STEAP1B: variants seen among roughly 807,000 people sequenced by gnomAD.
STEAP1B encodes the protein STEAP family member 1B.
A neutral mutation model predicts 27.9 loss-of-function variants in STEAP1B; 13 were observed. The observed-to-expected ratio is 0.47, with a 90% confidence interval of 0.30 to 0.74. The LOEUF is 0.74. Among genes scored for constraint, STEAP1B ranks in the 30% least tolerant of loss-of-function variants. The pLI is 0.06. For missense variants in STEAP1B, 250 were observed against 298.7 expected, an observed-to-expected ratio of 0.84 and a Z score of 1.20; for synonymous variants, 86 against 107.1, an observed-to-expected ratio of 0.80 and a Z score of 1.22.
intron 4 of STEAP1B, among the ~76,000 whole-genome samples, chr7:22,485,038 G>A (rs1231475120): frequency 1.3e-5 from 2 of 152,238 alleles, no homozygotes; most frequent in Non-Finnish European, 2.9e-5. Flanking sequence ...TTCTTGAGAT[G>A]AAATCTATTC....
At chr7:22,492,205 G>A (rs1238066319) in intron 4 of STEAP1B, among the ~76,000 whole-genome samples, 2 of 151,058 alleles carry the variant, frequency 1.3e-5, no homozygotes, top group African/African-American at 4.9e-5. Flanking sequence ...TGTAATCCCA[G>A]CTACTCAGGA....
At chr7:22,485,717 G>A (rs1351072073) in intron 4 of STEAP1B, among the ~76,000 whole-genome samples, 1 of 152,158 alleles carries the variant, frequency 6.6e-6, no homozygotes, top group Non-Finnish European at 1.5e-5. Context: ...TCCAAGGTAT[G>A]CCTGTATATT....
chr7:22,434,224 G>A (rs1249592375), intron 4 of STEAP1B, among the ~76,000 whole-genome samples: 2 of 152,204 alleles, frequency 1.3e-5, no homozygotes, highest in East Asian at 1.9e-4. Flanking sequence ...ACAGGAAGGG[G>A]ACAGGAAGCC....
At chr7:22,468,511 C>G (rs1352938924) in intron 4 of STEAP1B, among the ~76,000 whole-genome samples, 1 of 152,152 alleles carries the variant, frequency 6.6e-6, no homozygotes, top group African/African-American at 2.4e-5. Flanking sequence ...TGAATATACA[C>G]CTAACATAAG....
intron 4 of STEAP1B, among the ~76,000 whole-genome samples, chr7:22,458,866 G>A (rs1430869524): frequency 6.6e-6 from 1 of 151,888 alleles, no homozygotes; most frequent in East Asian, 1.9e-4. Context: ...AAGCTAGGGT[G>A]TGGTACGCTA....
At chr7:22,431,816 C>A (rs1174768517) in intron 4 of STEAP1B, among the ~76,000 whole-genome samples, 3 of 152,178 alleles carry the variant, frequency 2.0e-5, no homozygotes, top group Non-Finnish European at 4.4e-5. Context: ...AAGGGCGACT[C>A]CACTTGGGCC....
At chr7:22,434,379 C>T (rs960455710) in intron 4 of STEAP1B, among the ~76,000 whole-genome samples, 1 of 152,212 alleles carries the variant, frequency 6.6e-6, no homozygotes, top group Admixed American at 6.5e-5. Context: ...CTCTGCTGAT[C>T]CCACATGGGC....
chr7:22,428,733 G>C (rs1248025407), intron 4 of STEAP1B, among the ~76,000 whole-genome samples: 2 of 152,036 alleles, frequency 1.3e-5, no homozygotes, highest in Non-Finnish European at 2.9e-5. Context: ...AACTCGGGAG[G>C]GGGAGGTTGC....
At chr7:22,431,933 G>C (rs1314033516) in intron 4 of STEAP1B, among the ~76,000 whole-genome samples, 1 of 152,156 alleles carries the variant, frequency 6.6e-6, no homozygotes, top group Admixed American at 6.5e-5. Flanking sequence ...GTCCCTAGCT[G>C]CTCCAGCATT....
chr7:22,419,705 G>A lies in STEAP1B; in HGVS notation c.*99C>T, dbSNP rs2177142. 590,683 of 1,349,700 alleles carry A rather than the reference G, an allele frequency of 0.44. 130,430 individuals are homozygous for A. Among genetic ancestry groups the A allele is most frequent in the East Asian group, 0.55 (20,430 of 36,986 alleles). 83.6% of individuals were successfully genotyped at this position (1,349,700 alleles called of 1,614,324 possible). ...ACCTGCAGCATGGCTGTTCATTGTG[G>A]CAGAGGGAAAGGGCACTGGGTGGTG... On this transcript the variant is annotated 3_prime_UTR_variant, in exon 5 of 5. Transcript: ENST00000678116.
At chr7:22,458,599 C>T (rs1490914291) in intron 4 of STEAP1B, among the ~76,000 whole-genome samples, 3 of 152,192 alleles carry the variant, frequency 2.0e-5, no homozygotes, top group East Asian at 1.9e-4. Flanking sequence ...CACTAAACAG[C>T]GCACCACTGG....
At chr7:22,492,019 T>C (rs954234242) in intron 4 of STEAP1B, among the ~76,000 whole-genome samples, 3 of 152,066 alleles carry the variant, frequency 2.0e-5, no homozygotes, top group Admixed American at 6.6e-5. Flanking sequence ...TGACACCATT[T>C]GCCCTCAAAA....
chr7:22,476,543 G>C (rs937267594), intron 4 of STEAP1B, among the ~76,000 whole-genome samples: 5 of 152,152 alleles, frequency 3.3e-5, no homozygotes, highest in African/African-American at 1.2e-4. Context: ...TCAATCCCCT[G>C]TATAGTCCAC....
chr7:22,455,142 C>G (rs773621160), intron 4 of STEAP1B, among the ~76,000 whole-genome samples: 4 of 152,056 alleles, frequency 2.6e-5, no homozygotes, highest in African/African-American at 9.7e-5. Flanking sequence ...GGATTACAGG[C>G]GTGAGCCACC....
chr7:22,452,358 G>C (rs1036407612), intron 4 of STEAP1B, among the ~76,000 whole-genome samples: 2 of 152,094 alleles, frequency 1.3e-5, no homozygotes, highest in Non-Finnish European at 2.9e-5. Context: ...CGGAAAGAAA[G>C]TGACCCCTCC....
At chr7:22,436,022 C>CTT (rs1294179452) in intron 4 of STEAP1B, among the ~76,000 whole-genome samples, 3 of 152,206 alleles carry the variant, frequency 2.0e-5, no homozygotes, top group Non-Finnish European at 4.4e-5. Context: ...TGTTGAATTC[C>CTT]AGCCTCACCA....
At chr7:22,492,827 C>T (rs1406452310) in intron 3 of STEAP1B, 98 bp from the exon 4 acceptor site, 3 of 1,444,302 alleles carry the variant, frequency 2.1e-6, no homozygotes, top group African/African-American at 1.4e-5. Flanking sequence ...ACTATGAAGC[C>T]CTGATAACAG....
At chr7:22,482,785 G>T (rs1173063911) in intron 4 of STEAP1B, among the ~76,000 whole-genome samples, 2 of 152,144 alleles carry the variant, frequency 1.3e-5, no homozygotes, top group Non-Finnish European at 2.9e-5. Flanking sequence ...TCTGACAGTT[G>T]TGGATGCTGT....
At chr7:22,467,605 G>A (rs1785807372) in intron 4 of STEAP1B, among the ~76,000 whole-genome samples, 1 of 152,190 alleles carries the variant, frequency 6.6e-6, no homozygotes, top group Non-Finnish European at 1.5e-5. Flanking sequence ...TCTTGTGGTA[G>A]TGAGTTAAGT....
Sources: allele counts gnomAD v4.1 joint callset (sites outside exome capture counted in the v4.1 genomes callset), GRCh38; gene constraint gnomAD v4.1.1; transcripts MANE v1.5; gene names NCBI Gene and HGNC (gene_info 2026-07-23, HGNC 2026-07-21).